Variants in TAOK3 observed in about 807,000 individuals in gnomAD.
TAOK3 encodes TAO kinase 3, also known as serine/threonine-protein kinase TAO3.
Under a neutral mutation model 120.4 loss-of-function variants are expected in TAOK3, and 40 were observed. The observed-to-expected ratio is 0.33, with a 90% CI of 0.26 to 0.43. TAOK3 has a LOEUF of 0.43. Among genes scored for constraint, TAOK3 ranks in the 20% least tolerant of loss-of-function variants. The pLI, the probability that TAOK3 is intolerant of heterozygous loss-of-function variation, is 1.00. For missense variants in TAOK3, 821 were observed against 1,112.1 expected (o/e 0.74, Z 3.72); for synonymous variants, 355 against 387.5 (o/e 0.92, Z 0.99).
At chr12:118,171,602 C>T (rs931132815) in intron 17 of TAOK3, among the ~76,000 whole-genome samples, 11 of 152,248 alleles carry the variant, frequency 7.2e-5, no homozygotes, top group African/African-American at 2.7e-4. Context: ...AGTGATCCTT[C>T]TGCCTTGGCC....
chr12:118,162,932 A>C (rs75676957), intron 17 of TAOK3, among the ~76,000 whole-genome samples: 1,812 of 152,332 alleles, frequency 0.012, 32 homozygotes, highest in African/African-American at 0.04. Flanking sequence ...CTCTCAGTAC[A>C]TAAAAATATT....
intron 1 of TAOK3, among the ~76,000 whole-genome samples, chr12:118,267,844 C>T (rs1228145820): frequency 6.9e-6 from 1 of 145,644 alleles, no homozygotes; most frequent in Non-Finnish European, 1.5e-5. Flanking sequence ...GAGATCGCAC[C>T]ACTGCACTCC....
intron 3 of TAOK3, chr12:118,246,797 G>C (rs554441705): frequency 7.1e-7 from 1 of 1,402,266 alleles, no homozygotes; most frequent in African/African-American, 1.4e-5. Flanking sequence ...ACTTCGCCAA[G>C]GCCACCTTTG....
chr12:118,205,813 G>T (rs1177331973), intron 11 of TAOK3, among the ~76,000 whole-genome samples: 1 of 151,888 alleles, frequency 6.6e-6, no homozygotes, highest in Non-Finnish European at 1.5e-5. Flanking sequence ...GTTTCACTAT[G>T]TTGGCCAGGC....
chr12:118,152,452 C>T (rs773723657), intron 19 of TAOK3, 43 bp from the exon 20 acceptor site: 3 of 1,559,572 alleles, frequency 1.9e-6, no homozygotes, highest in South Asian at 1.2e-5. Context: ...CCCTTGCCTA[C>T]AGCCCTTGGT....
intron 1 of TAOK3, among the ~76,000 whole-genome samples, chr12:118,293,330 G>A (rs1417194826): frequency 6.6e-6 from 1 of 152,214 alleles, no homozygotes; most frequent in African/African-American, 2.4e-5. Flanking sequence ...GCAGACGAAT[G>A]TTAGCGATAC....
chr12:118,215,857 T>G (rs2038875033), intron 9 of TAOK3, among the ~76,000 whole-genome samples: 1 of 151,950 alleles, frequency 6.6e-6, no homozygotes, highest in East Asian at 1.9e-4. Flanking sequence ...TAGCTGAGAC[T>G]ACAGGTGTGT....
chr12:118,332,347 C>G (rs1186351812), intron 1 of TAOK3, among the ~76,000 whole-genome samples: 1 of 152,026 alleles, frequency 6.6e-6, no homozygotes, highest in African/African-American at 2.4e-5. Context: ...ATAAAGCTAT[C>G]TTTTCTCAGA....
intron 8 of TAOK3, 79 bp from the exon 9 acceptor site, chr12:118,233,844 T>C: frequency 1.1e-6 from 1 of 891,344 alleles, no homozygotes; most frequent in Non-Finnish European, 1.8e-6. Context: ...ATGAAATAGC[T>C]GTTCTTAAGG....
In TAOK3 at chr12:118,349,293, C is replaced by T. The variant is rs144943975; in HGVS notation, c.-194+23355G>A. ...ACCCAAGAGAATGGAAAAATATGTT[C>T]ATTTAAAAACTTGTATATTTACTGT... is the stretch of plus-strand genomic sequence containing the variant. On this transcript the variant is annotated intron_variant, in intron 1 of 20. Coordinates refer to ENST00000392533, the MANE Select transcript of TAOK3 (RefSeq NM_016281.4). Among the ~76,000 whole-genome samples the T allele has an allele frequency of 1.3e-4, 20 of 152,302 alleles. No homozygotes were observed. In the East Asian group the frequency reaches 3.5e-3, roughly 26 times the overall value.
intron 1 of TAOK3, among the ~76,000 whole-genome samples, chr12:118,281,462 A>G (rs1313030139): frequency 6.6e-6 from 1 of 152,240 alleles, no homozygotes; most frequent in Non-Finnish European, 1.5e-5. Flanking sequence ...TATGAAGGAA[A>G]CTAGTTATAC....
In TAOK3 at chr12:118,337,687, T is replaced by C. The variant is rs147754932; in HGVS notation, c.-194+34961A>G. Reference sequence around the variant, plus strand: ...GTTACATACTGAATGATTTCATTTGTATAACATTCTTGAAATGACAAAATT... The same window carrying C: ...GTTACATACTGAATGATTTCATTTGCATAACATTCTTGAAATGACAAAATT... On this transcript the variant is annotated intron_variant, in intron 1 of 20. Transcript: ENST00000392533. 8.0e-4 allele frequency among the ~76,000 whole-genome samples: 122 copies of C among 152,352 alleles called. 2 individuals carry two copies. Among genetic ancestry groups the C allele is most frequent in the African/African-American group, 2.9e-3 (119 of 41,590 alleles).
chr12:118,211,569 G>A (rs900515504), intron 11 of TAOK3, among the ~76,000 whole-genome samples: 6 of 142,994 alleles, frequency 4.2e-5, no homozygotes, highest in African/African-American at 1.3e-4. Context: ...TTTGTTGTCT[G>A]TAACCCTTAA....
chr12:118,201,338 C>T lies in TAOK3; in HGVS notation c.945G>A (p.Glu315=). The T allele has an allele frequency of 6.2e-7, 1 of 1,614,028 alleles. No individual in the cohort carries two copies. The highest frequency in any genetic ancestry group is 8.5e-7 in the Non-Finnish European group (1 of 1,179,932). ...YRKMKKILFQ[E]TRNGPLNESQ... Reference sequence around the variant, plus strand: ...ACTCATTCAAGGGTCCATTCCGTGTCTCTTGGAAAAGTATTTTTTTCATTT... The same window carrying T: ...ACTCATTCAAGGGTCCATTCCGTGTTTCTTGGAAAAGTATTTTTTTCATTT... Residue 315 remains glutamate (E), a synonymous_variant, in exon 12 of 21, where the codon GAG becomes GAA. Coordinates refer to ENST00000392533, the MANE Select transcript of TAOK3 (RefSeq NM_016281.4).
intron 9 of TAOK3, among the ~76,000 whole-genome samples, chr12:118,226,527 C>T (rs1434428290): frequency 1.4e-5 from 2 of 146,096 alleles, no homozygotes; most frequent in African/African-American, 2.6e-5. Flanking sequence ...AGCGAGACTC[C>T]GTCTAAAAAA....
At chr12:118,182,579 ATGTGTG>A (rs34798699) in intron 14 of TAOK3, among the ~76,000 whole-genome samples, 1 of 121,012 alleles carries the variant, frequency 8.3e-6, no homozygotes. Context: ...TGTTTTGTAT[ATGTGTG>A]TGTGTGTGTG....
chr12:118,372,133 TTC>T lies in TAOK3; in HGVS notation c.-194+513_-194+514del, dbSNP rs2045916957. The stretch of plus-strand genomic sequence containing the variant: ...TCCCCTCTCTTTACTCTGTCCTGGA[TTC>T]TCTCTGGGTCCCCTCCCCTCACCTC... On this transcript the variant is annotated intron_variant, in intron 1 of 20. Coordinates refer to ENST00000392533, the MANE Select transcript of TAOK3 (RefSeq NM_016281.4). The surrounding 1 kb of genome is among the most constrained non-coding windows in gnomAD (Gnocchi z 4.6). 6.8e-6 allele frequency among the ~76,000 whole-genome samples: 1 copy of T among 147,102 alleles called. No individual in the cohort carries two copies. The highest frequency in any genetic ancestry group is 2.2e-4 in the South Asian group (1 of 4,570).
intron 1 of TAOK3, among the ~76,000 whole-genome samples, chr12:118,273,537 G>A (rs1023908582): frequency 3.3e-5 from 5 of 150,494 alleles, no homozygotes; most frequent in Middle Eastern, 7.2e-3. Flanking sequence ...AAAATAGGTC[G>A]GGCATAGTGG....
At chr12:118,259,189 C>G (rs1272834077) in intron 2 of TAOK3, among the ~76,000 whole-genome samples, 1 of 152,150 alleles carries the variant, frequency 6.6e-6, no homozygotes, top group Non-Finnish European at 1.5e-5. Context: ...GAAGGGACTT[C>G]TGCTTCTAGC....
Sources: gnomAD v4.1 joint callset for allele counts (sites outside exome capture counted in the v4.1 genomes callset) on GRCh38, gnomAD v4.1.1 for gene constraint, Gnocchi (gnomAD v3.1) non-coding constraint, MANE v1.5 for transcripts, NCBI Gene and HGNC (gene_info 2026-07-23, HGNC 2026-07-21) for gene names.